ATP11C: variants seen among roughly 807,000 people sequenced by gnomAD.
ATP11C encodes the protein ATPase phospholipid transporting 11C (ATP11C blood group), also known as phospholipid-transporting ATPase IG.
In ATP11C, 36 loss-of-function variants were observed where a neutral mutation model predicts 97.4. The observed-to-expected ratio is 0.37, with a 90% CI of 0.28 to 0.49. The LOEUF is 0.49. ATP11C is among the 20% of genes least tolerant of loss of function. The pLI, the probability that ATP11C is intolerant of heterozygous loss-of-function variation, is 0.98. For synonymous variants in ATP11C, 275 were observed against 290.9 expected (o/e 0.95, Z 0.56); for missense variants, 730 against 824.6 (o/e 0.89, Z 1.40).
intron 7 of ATP11C, 121 bp downstream of exon 7, chrX:139,802,115 T>C (rs1360360256): frequency 1.8e-5 from 9 of 505,374 alleles, no homozygotes; most frequent in Non-Finnish European, 3.1e-5. Context: ...AAGGAAGGAA[T>C]CGCCCATAAA....
chrX:139,768,443 G>A lies in ATP11C; in HGVS notation c.2217-9C>T, dbSNP rs953303679. 3 of 1,054,784 alleles carry A rather than the reference G, an allele frequency of 2.8e-6. No homozygotes were observed. In the African/African-American group the frequency reaches 5.7e-5, roughly 20 times the overall value. 86.9% of individuals were successfully genotyped at this position (1,054,784 alleles called of 1,213,427 possible). A position where few individuals can be genotyped will look rare whatever the true frequency, so the allele number is the denominator to read the frequency against. Reference sequence around the variant, plus strand: ...GATGTTCTGTCCATGCTCTGAAAAAGAGAAACAATGCTATGTTTGGATTTA... The same window carrying A: ...GATGTTCTGTCCATGCTCTGAAAAAAAGAAACAATGCTATGTTTGGATTTA... On this transcript the variant is annotated splice_polypyrimidine_tract_variant and intron_variant, in intron 19 of 29. Coordinates refer to ENST00000682941, the MANE Select transcript of ATP11C (RefSeq NM_001353812.2).
chrX:139,931,965 G>A lies in ATP11C; in HGVS notation c.27+51C>T, dbSNP rs1603421227. ...TTGTTGTGAGGGACCCGGCGAAGGG[G>A]CTGGCGAGCAAGCAAACCGGCACGC... On this transcript the variant is annotated intron_variant, in intron 1 of 29. Transcript: ENST00000682941. 5.3e-5 allele frequency: 60 copies of A among 1,137,947 alleles called. No individual in the cohort carries two copies. The East Asian group carries it at 2.0e-3, about 38-fold the overall frequency. The allele number at this position is 1,137,947 out of a possible 1,213,427, so 93.8% of individuals were successfully genotyped here. A position where few individuals can be genotyped will look rare whatever the true frequency, so the allele number is the denominator to read the frequency against.
rs2085448593 is a variant in ATP11C at position 139,932,172 on chromosome X, G to A, written c.-130C>T. On this transcript the variant is annotated 5_prime_UTR_variant, in exon 1 of 30. Coordinates refer to ENST00000682941, the MANE Select transcript of ATP11C (RefSeq NM_001353812.2). ...AGCGAGGCGGGCGGCCGGGCCACCC[G>A]CTCGCCGCCTGCCCCCCTCGGCTCT... is the stretch of plus-strand genomic sequence containing the variant. 10 of 505,718 alleles carry A rather than the reference G, an allele frequency of 2.0e-5. No individual in the cohort carries two copies. The South Asian group carries it at 3.0e-4, about 15-fold the overall frequency. The allele number at this position is 505,718 out of a possible 1,213,427, so 41.7% of individuals were successfully genotyped here.
intron 1 of ATP11C, among the ~76,000 whole-genome samples, chrX:139,886,595 A>T (rs2084646787): frequency 9.2e-6 from 1 of 108,767 alleles, no homozygotes; most frequent in Non-Finnish European, 1.9e-5. Flanking sequence ...AAAAAAAAAA[A>T]AAAAAAAAGC....
intron 1 of ATP11C, among the ~76,000 whole-genome samples, chrX:139,865,766 AAAAT>A (rs904747083): frequency 1.9e-4 from 21 of 111,216 alleles, no homozygotes; most frequent in African/African-American, 2.9e-4. Context: ...GTCCCCAAAA[AAAAT>A]AAATAAATAA....
At chrX:139,788,863 T>G (rs1347116126) in intron 13 of ATP11C, among the ~76,000 whole-genome samples, 2 of 112,120 alleles carry the variant, frequency 1.8e-5, no homozygotes, top group Non-Finnish European at 3.8e-5. Flanking sequence ...CATTTACAAA[T>G]TTCAGAAGTG....
intron 1 of ATP11C, among the ~76,000 whole-genome samples, chrX:139,850,506 G>T (rs1352003933): frequency 8.9e-6 from 1 of 112,116 alleles, no homozygotes; most frequent in Non-Finnish European, 1.9e-5. Flanking sequence ...AGGATATTTG[G>T]TAGAAGAAAT....
At chrX:139,857,550 C>T (rs1445423764) in intron 1 of ATP11C, among the ~76,000 whole-genome samples, 2 of 110,902 alleles carry the variant, frequency 1.8e-5, no homozygotes, top group Middle Eastern at 8.5e-3. Flanking sequence ...CCCTGATTCC[C>T]GCCAAAGCAC....
chrX:139,796,129 C>T lies in ATP11C; in HGVS notation c.1206+144G>A, dbSNP rs772886502. 7.4e-4 allele frequency: 287 copies of T among 385,683 alleles called. 2 individuals carry two copies. The highest frequency in any genetic ancestry group is 7.1e-3 in the African/African-American group (271 of 38,337). The allele number at this position is 385,683 out of a possible 1,213,427, so 31.8% of individuals were successfully genotyped here. The stretch of plus-strand genomic sequence containing the variant: ...GCTGTAACTATGAAAACACTGCTTA[C>T]CTTCATTACATGCCTGCATTAAAGA... On this transcript the variant is annotated intron_variant, in intron 12 of 29. Transcript: ENST00000682941.
chrX:139,743,256 A>G (rs1255167341), intron 26 of ATP11C, among the ~76,000 whole-genome samples: 1 of 110,236 alleles, frequency 9.1e-6, no homozygotes. Context: ...GCCACTTATC[A>G]TAACGCCTTA....
intron 28 of ATP11C, among the ~76,000 whole-genome samples, chrX:139,733,649 A>T (rs999230276): frequency 2.7e-5 from 3 of 111,754 alleles, no homozygotes; most frequent in Non-Finnish European, 5.7e-5. Flanking sequence ...TGAGAAAAAG[A>T]TTTTAATTGT....
chrX:139,891,718 C>A (rs993510361), intron 1 of ATP11C, among the ~76,000 whole-genome samples: 8 of 112,071 alleles, frequency 7.1e-5, no homozygotes, highest in African/African-American at 2.3e-4. Flanking sequence ...GCACAAGAAA[C>A]CAATAGAGAG....
chrX:139,746,027 T>G (rs1320068677), intron 24 of ATP11C, among the ~76,000 whole-genome samples, 170 bp from the exon 25 acceptor site: 1 of 112,060 alleles, frequency 8.9e-6, no homozygotes, highest in African/African-American at 3.2e-5. Context: ...CTGACCTTCA[T>G]GCAATCATCT....
intron 29 of ATP11C, among the ~76,000 whole-genome samples, chrX:139,730,635 G>A (rs911078509): frequency 8.1e-5 from 9 of 110,940 alleles, no homozygotes; most frequent in Admixed American, 2.9e-4. Flanking sequence ...AGGTGGACTC[G>A]CAATTATTAG....
In ATP11C at chrX:139,774,757, C is replaced by G; in HGVS notation, c.2149G>C (p.Glu717Gln). The change falls in exon 19 of 30, where the codon GAA becomes CAA. Residue 717 changes from glutamate (E) to glutamine (Q), a missense_variant. Transcript: ENST00000682941. ...ESERKEDRLH[E>Q]LLIEYRKKLL... ...TTCTTGCGATATTCTATCAATAATT[C>G]ATGTAATCGATCTTCTTTCCTTTCA... is the stretch of plus-strand genomic sequence containing the variant. 8.3e-7 allele frequency: 1 copy of G among 1,209,704 alleles called. No homozygotes were observed. The highest frequency in any genetic ancestry group is 1.1e-6 in the Non-Finnish European group (1 of 893,575).
chrX:139,846,433 G>A (rs2083909969), intron 1 of ATP11C, among the ~76,000 whole-genome samples: 1 of 112,019 alleles, frequency 8.9e-6, no homozygotes, highest in African/African-American at 3.2e-5. Flanking sequence ...TTAAAGTAAG[G>A]TTGGGTTAGC....
chrX:139,727,911 G>A lies in ATP11C; in HGVS notation c.*1055C>T, dbSNP rs2081277425. ...TCTTCACAGAGTCATGGCTCTACAAGCTGAACCACCGTTTTGGGGTGGCTC... is the reference window on the plus strand; with the variant it reads ...TCTTCACAGAGTCATGGCTCTACAAACTGAACCACCGTTTTGGGGTGGCTC... On this transcript the variant is annotated 3_prime_UTR_variant, in exon 30 of 30. Coordinates refer to ENST00000682941, the MANE Select transcript of ATP11C (RefSeq NM_001353812.2). 8.9e-6 allele frequency: 1 copy of A among 112,152 alleles called. No homozygotes were observed. The highest frequency in any genetic ancestry group is 3.7e-4 in the South Asian group (1 of 2,680). The allele number at this position is 112,152 out of a possible 1,213,427, so 9.2% of individuals were successfully genotyped here.
At chrX:139,748,564 G>GT (rs1603341156) in intron 24 of ATP11C, among the ~76,000 whole-genome samples, 1 of 111,496 alleles carries the variant, frequency 9.0e-6, no homozygotes, top group African/African-American at 3.3e-5. Flanking sequence ...GTGTCCTTAG[G>GT]TAAGTCATTT....
intron 20 of ATP11C, among the ~76,000 whole-genome samples, chrX:139,767,364 A>G (rs1050458461): frequency 9.0e-6 from 1 of 111,600 alleles, no homozygotes; most frequent in African/African-American, 3.3e-5. Context: ...CTATGACAAA[A>G]GGTAGGACCA....
Sources: gnomAD v4.1 joint callset for allele counts (sites outside exome capture counted in the v4.1 genomes callset) on GRCh38, gnomAD v4.1.1 for gene constraint, MANE v1.5 for transcripts, NCBI Gene and HGNC (gene_info 2026-07-23, HGNC 2026-07-21) for gene names.